Variants in PPP1R42 observed in about 807,000 individuals in gnomAD.
PPP1R42 encodes leucine rich repeat containing 67.
A neutral mutation model predicts 31.0 loss-of-function variants in PPP1R42; 34 were observed. That is an observed-to-expected ratio of 1.10 (90% CI 0.83 to 1.46). PPP1R42 has a LOEUF of 1.46. Ranked by LOEUF, PPP1R42 falls within the 40% of genes most tolerant of loss-of-function variation. The pLI, the probability that PPP1R42 is intolerant of heterozygous loss-of-function variation, is 0.00. For synonymous variants in PPP1R42, 103 were observed against 109.8 expected (o/e 0.94, Z 0.39); for missense variants, 268 against 303.0 (o/e 0.88, Z 0.86).
intron 5 of PPP1R42, among the ~76,000 whole-genome samples, chr8:66,995,152 AAG>A (rs919344213): frequency 1.3e-5 from 2 of 152,224 alleles, no homozygotes; most frequent in African/African-American, 2.4e-5. Context: ...AGTGAACAAA[AAG>A]AAGGAAAAAA....
At chr8:67,020,995 G>T (rs769902622) in intron 1 of PPP1R42, among the ~76,000 whole-genome samples, 1 of 152,104 alleles carries the variant, frequency 6.6e-6, no homozygotes, top group Non-Finnish European at 1.5e-5. Context: ...TAGATTTGAG[G>T]TAACCCGTTT....
chr8:67,008,765 T>A (rs1477300042), intron 5 of PPP1R42, among the ~76,000 whole-genome samples: 5 of 149,180 alleles, frequency 3.4e-5, no homozygotes. Flanking sequence ...TAAGCAACAA[T>A]GAAGGTATTT....
chr8:66,984,283 C>G (rs900394841), intron 6 of PPP1R42: 1 of 1,374,380 alleles, frequency 7.3e-7, no homozygotes, highest in Non-Finnish European at 1.0e-6. Context: ...TGTACCCTCC[C>G]AGAATAGTAC....
chr8:66,993,769 C>T (rs904719053), intron 5 of PPP1R42, among the ~76,000 whole-genome samples: 9 of 152,320 alleles, frequency 5.9e-5, no homozygotes, highest in African/African-American at 1.7e-4. Flanking sequence ...GTTTTCTGCT[C>T]ACTTTTGTGT....
chr8:67,002,738 G>T (rs1279177013), intron 5 of PPP1R42, among the ~76,000 whole-genome samples: 6 of 133,998 alleles, frequency 4.5e-5, no homozygotes, highest in African/African-American at 1.1e-4. Context: ...TTTTTTTTCA[G>T]TGTTTTTTTT....
chr8:66,976,925 G>T (rs190183511), intron 7 of PPP1R42, among the ~76,000 whole-genome samples: 2 of 152,070 alleles, frequency 1.3e-5, no homozygotes, highest in Non-Finnish European at 2.9e-5. Flanking sequence ...ATGGTCAGTA[G>T]TGGGATTGCT....
At position 67,013,010 on chromosome 8, in the gene PPP1R42, A is replaced by G; in HGVS notation, c.383T>C (p.Leu128Pro). ...AAACAGAAGCTTTTCCCCAAGGGGAAGCCTCTGATTCTCAACATGAAGCTC... is the reference window on the plus strand; with the variant it reads ...AAACAGAAGCTTTTCCCCAAGGGGAGGCCTCTGATTCTCAACATGAAGCTC... The part of the protein sequence containing the change: ...LRELHVENQR[L>P]PLGEKLLFDP... Residue 128 changes from leucine (L) to proline (P), a missense_variant, in exon 4 of 8, where the codon CTT becomes CCT. By Grantham distance (98) the Leu-to-Pro change is moderately conservative. Transcript: ENST00000685739. 1 of 1,612,516 alleles carries G rather than the reference A, an allele frequency of 6.2e-7. No individual in the cohort carries two copies. Among genetic ancestry groups the G allele is most frequent in the Non-Finnish European group, 8.5e-7 (1 of 1,179,408 alleles).
chr8:66,967,324 G>C (rs1814411892), intron 7 of PPP1R42, among the ~76,000 whole-genome samples: 3 of 152,052 alleles, frequency 2.0e-5, no homozygotes, highest in Admixed American at 2.0e-4. Flanking sequence ...GGAAAGAGGG[G>C]GGACTACCAT....
intron 6 of PPP1R42, chr8:66,984,572 G>T: frequency 2.5e-6 from 3 of 1,213,844 alleles, no homozygotes; most frequent in South Asian, 2.4e-5. Context: ...CTTGGCTGGG[G>T]TGCTCAAATT....
At chr8:67,006,723 G>T (rs1815690453) in intron 5 of PPP1R42, among the ~76,000 whole-genome samples, 1 of 141,190 alleles carries the variant, frequency 7.1e-6, no homozygotes, top group East Asian at 2.1e-4. Flanking sequence ...TAAAGTAAAC[G>T]CCTTGAGGGT....
chr8:66,965,444 CTTT>C (rs113305646), intron 7 of PPP1R42, among the ~76,000 whole-genome samples: 2 of 139,214 alleles, frequency 1.4e-5, no homozygotes. Flanking sequence ...CTTCTTTTTT[CTTT>C]TTTTTTTTTT....
At chr8:66,986,763 GCTT>G (rs1563418819) in intron 6 of PPP1R42, among the ~76,000 whole-genome samples, 1 of 152,198 alleles carries the variant, frequency 6.6e-6, no homozygotes, top group African/African-American at 2.4e-5. Context: ...GAAGAGTGAG[GCTT>G]CTGCGTTTGT....
intron 6 of PPP1R42, chr8:66,986,226 C>T (rs570799125): frequency 1.8e-6 from 1 of 543,470 alleles, no homozygotes; most frequent in African/African-American, 1.9e-5. Flanking sequence ...AGGCGTGAGC[C>T]ACCGCGCCCT....
At chr8:66,994,949 C>G (rs1815293095) in intron 5 of PPP1R42, among the ~76,000 whole-genome samples, 1 of 152,150 alleles carries the variant, frequency 6.6e-6, no homozygotes, top group South Asian at 2.1e-4. Flanking sequence ...AGCAGCTGCT[C>G]TAAGTGCTGA....
intron 7 of PPP1R42, among the ~76,000 whole-genome samples, chr8:66,972,879 AT>A (rs1278196980): frequency 6.6e-6 from 1 of 152,200 alleles, no homozygotes; most frequent in Non-Finnish European, 1.5e-5. Context: ...TAAGTAGAGC[AT>A]TATTGCTTTA....
At chr8:67,024,424 C>T (rs943865293) in intron 1 of PPP1R42, among the ~76,000 whole-genome samples, 1 of 151,942 alleles carries the variant, frequency 6.6e-6, no homozygotes, top group African/African-American at 2.4e-5. Context: ...GCAATCCTCC[C>T]ACCTCAGTCT....
In PPP1R42 at chr8:67,017,771, C is replaced by T. The variant is rs371385893; in HGVS notation, c.-24G>A. 449 of 1,556,960 alleles carry T rather than the reference C, an allele frequency of 2.9e-4. No individual in the cohort carries two copies. In the African/African-American group the frequency reaches 5.7e-3, roughly 20 times the overall value. ...ATAATTTCTTTATAAATCAAACTCT[C>T]AGCAAAAGCTCTGTTTTGACACCAT... On this transcript the variant is annotated 5_prime_UTR_variant, in exon 2 of 8. The change abolishes the stop of an existing upstream ORF in the 5' untranslated region. Transcript: ENST00000685739.
chr8:66,984,043 C>G, intron 6 of PPP1R42: 1 of 1,266,658 alleles, frequency 7.9e-7, no homozygotes, highest in Non-Finnish European at 1.1e-6. Flanking sequence ...GTTCTGAGAT[C>G]ATACAAGTGG....
chr8:66,986,086 CCTT>C (rs1815001572), intron 6 of PPP1R42: 3 of 728,902 alleles, frequency 4.1e-6, no homozygotes, highest in South Asian at 1.4e-5. Context: ...TGATCGGCTG[CCTT>C]CTTCTTGTCC....
Sources: allele counts gnomAD v4.1 joint callset (sites outside exome capture counted in the v4.1 genomes callset), GRCh38; gene constraint gnomAD v4.1.1; transcripts MANE v1.5; gene names NCBI Gene and HGNC (gene_info 2026-07-23, HGNC 2026-07-21).